ANKRD28: variants seen among roughly 807,000 people sequenced by gnomAD.
The protein encoded by ANKRD28 is serine/threonine-protein phosphatase 6 regulatory ankyrin repeat subunit A.
Under a neutral mutation model 126.5 loss-of-function variants are expected in ANKRD28, and 44 were observed. The ratio of observed to expected loss-of-function variants is 0.35; its 90% CI spans 0.27 to 0.45. ANKRD28 has a LOEUF of 0.45. Ranked by LOEUF, ANKRD28 falls within the 20% of genes least tolerant of loss-of-function variation. The pLI is 1.00. For synonymous variants in ANKRD28, 442 were observed against 468.5 expected (o/e 0.94, Z 0.73); for missense variants, 1,110 against 1,316.6 (o/e 0.84, Z 2.43).
chr3:15,761,292 A>G (rs944034700), intron 3 of ANKRD28, among the ~76,000 whole-genome samples: 9 of 152,200 alleles, frequency 5.9e-5, no homozygotes, highest in Non-Finnish European at 1.5e-5. Context: ...AAGTGTAAAC[A>G]CCTACACTAA....
intron 1 of ANKRD28, among the ~76,000 whole-genome samples, chr3:15,855,164 G>T (rs1397432436): frequency 3.3e-5 from 5 of 152,068 alleles, no homozygotes; most frequent in African/African-American, 1.2e-4. Context: ...ATCCCCTATT[G>T]TAAGATTTCC....
chr3:15,787,656 A>C (rs1231426520), intron 2 of ANKRD28, among the ~76,000 whole-genome samples: 1 of 152,212 alleles, frequency 6.6e-6, no homozygotes, highest in Non-Finnish European at 1.5e-5. Flanking sequence ...ACACAGCCTC[A>C]AGTAATGAGT....
At chr3:15,793,025 T>C (rs1331740106) in intron 2 of ANKRD28, among the ~76,000 whole-genome samples, 2 of 152,090 alleles carry the variant, frequency 1.3e-5, no homozygotes, top group African/African-American at 4.8e-5. Context: ...CTTATATCCA[T>C]TCTAAAAATG....
chr3:15,765,154 T>C (rs1329851808), intron 3 of ANKRD28, among the ~76,000 whole-genome samples: 1 of 152,146 alleles, frequency 6.6e-6, no homozygotes, highest in Non-Finnish European at 1.5e-5. Context: ...TAAATATCAT[T>C]ACAATCATCT....
At position 15,698,816 on chromosome 3, in the gene ANKRD28, C is replaced by T. The variant is rs570274792; in HGVS notation, c.1548-2571G>A. On this transcript the variant is annotated intron_variant, in intron 14 of 27. Coordinates refer to ENST00000683139, the MANE Select transcript of ANKRD28 (RefSeq NM_001349278.2). Reference sequence around the variant, plus strand: ...ATATTGTGAAAATGGCCATACTACCCGAGGTACTTTATAGATTGAATGCCA... The same window carrying T: ...ATATTGTGAAAATGGCCATACTACCTGAGGTACTTTATAGATTGAATGCCA... 5.9e-5 allele frequency among the ~76,000 whole-genome samples: 9 copies of T among 152,222 alleles called. No individual in the cohort carries two copies. In the East Asian group the frequency reaches 7.7e-4, roughly 13 times the overall value.
At chr3:15,738,849 T>C (rs1323967026) in intron 4 of ANKRD28, 3 of 152,228 alleles carry the variant, frequency 2.0e-5, no homozygotes, top group East Asian at 1.9e-4. Context: ...CTGGGGCTTA[T>C]TTCATCCCTT....
chr3:15,728,250 A>G (rs1398267622), intron 6 of ANKRD28, among the ~76,000 whole-genome samples: 1 of 152,204 alleles, frequency 6.6e-6, no homozygotes, highest in African/African-American at 2.4e-5. Context: ...ATGTATTGCT[A>G]TTGCACACTT....
At chr3:15,704,830 C>A (rs147058249) in intron 14 of ANKRD28, among the ~76,000 whole-genome samples, 1,602 of 152,236 alleles carry the variant, frequency 0.011, 12 homozygotes, top group Middle Eastern at 0.068. Context: ...TTCCACTAGG[C>A]TCCCATGGAA....
At position 15,815,720 on chromosome 3, in the gene ANKRD28, TG is replaced by T. The variant is rs1298268186; in HGVS notation, c.28-20415del. 6.6e-5 allele frequency among the ~76,000 whole-genome samples: 10 copies of T among 152,212 alleles called. No individual in the cohort carries two copies. The highest frequency in any genetic ancestry group is 2.4e-4 in the African/African-American group (10 of 41,448). ...AATGTTAGAAGACATAAACTATCCT[TG>T]GATAGTTGGAGGAAGGTCAGCTATA... On this transcript the variant is annotated intron_variant, in intron 1 of 27. Transcript: ENST00000399451. The surrounding 1 kb of genome is among the most constrained non-coding windows in gnomAD (Gnocchi z 4.1).
intron 2 of ANKRD28, among the ~76,000 whole-genome samples, chr3:15,778,406 C>A (rs1219884922): frequency 6.6e-6 from 1 of 152,092 alleles, no homozygotes; most frequent in African/African-American, 2.4e-5. Flanking sequence ...GTGTTCTCAC[C>A]TAGAGACCTG....
In ANKRD28 at chr3:15,830,782, C is replaced by G. The variant is rs1436853678; in HGVS notation, c.27+28595G>C. 1.3e-5 allele frequency among the ~76,000 whole-genome samples: 2 copies of G among 152,036 alleles called. No homozygotes were observed. The highest frequency in any genetic ancestry group is 3.9e-4 in the East Asian group (2 of 5,178). On this transcript the variant is annotated intron_variant, in intron 1 of 27. Coordinates refer to the ANKRD28 transcript ENST00000399451. This position sits in a 1 kb window ranked among gnomAD's most constrained non-coding sequence, Gnocchi z 4.5. ...TTTACCTGGGGGCTTTGGTCCATGA[C>G]AGATAGTCTAACAATATGATTCTTG...
chr3:15,836,630 T>A (rs892175171), intron 1 of ANKRD28, among the ~76,000 whole-genome samples: 1 of 152,122 alleles, frequency 6.6e-6, no homozygotes, highest in African/African-American at 2.4e-5. Flanking sequence ...TGGAAAAACA[T>A]ATACCACACA....
intron 1 of ANKRD28, among the ~76,000 whole-genome samples, chr3:15,809,260 T>G (rs2060656610): frequency 6.6e-6 from 1 of 152,308 alleles, no homozygotes; most frequent in South Asian, 2.1e-4. Flanking sequence ...TCAAACCCAC[T>G]TCAGTCCTCA....
intron 2 of ANKRD28, among the ~76,000 whole-genome samples, chr3:15,788,379 T>C (rs2059876345): frequency 6.6e-6 from 1 of 152,162 alleles, no homozygotes. Flanking sequence ...CTCAACAATA[T>C]GCTTTATTTC....
chr3:15,744,988 T>C (rs558145713), intron 4 of ANKRD28, among the ~76,000 whole-genome samples: 1 of 152,214 alleles, frequency 6.6e-6, no homozygotes. Flanking sequence ...ATTTCCCTGA[T>C]AATTAGTGAT....
chr3:15,707,607 C>T (rs1040940163), intron 14 of ANKRD28, among the ~76,000 whole-genome samples: 25 of 152,260 alleles, frequency 1.6e-4, no homozygotes, highest in African/African-American at 4.3e-4. Flanking sequence ...GATATAGTCA[C>T]GGCTGTAGCC....
chr3:15,676,040 TAC>T, intron 26 of ANKRD28, 51 bp from the exon 27 acceptor site: 2 of 1,455,620 alleles, frequency 1.4e-6, no homozygotes, highest in Non-Finnish European at 1.9e-6. Context: ...TGCATGCACA[TAC>T]ACATACACAC....
chr3:15,852,650 G>T (rs6796929), intron 1 of ANKRD28, among the ~76,000 whole-genome samples: 21,165 of 151,434 alleles, frequency 0.14, 2,146 homozygotes, highest in East Asian at 0.58. Context: ...TGGCTAACAC[G>T]GTGAAACCCC....
At chr3:15,820,416 A>G (rs2060917800) in intron 1 of ANKRD28, among the ~76,000 whole-genome samples, 1 of 152,224 alleles carries the variant, frequency 6.6e-6, no homozygotes, top group Admixed American at 6.5e-5. Flanking sequence ...GTTAAACAAC[A>G]CTGTGAAGAT....
Sources: gnomAD v4.1 joint callset for allele counts (sites outside exome capture counted in the v4.1 genomes callset) on GRCh38, gnomAD v4.1.1 for gene constraint, Gnocchi (gnomAD v3.1) non-coding constraint, MANE v1.5 for transcripts, NCBI Gene and HGNC (gene_info 2026-07-23, HGNC 2026-07-21) for gene names.